FARS2: variants seen among roughly 807,000 people sequenced by gnomAD.
The protein encoded by FARS2 is phenylalanine--tRNA ligase, mitochondrial.
FARS2 carries 40 observed loss-of-function variants against 46.4 expected under a neutral mutation model. The observed-to-expected ratio is 0.86, with a 90% CI of 0.67 to 1.12. FARS2 has a LOEUF of 1.12. Ranked by LOEUF, FARS2 falls within the 50% of genes most tolerant of loss-of-function variation. The pLI, the probability that FARS2 is intolerant of heterozygous loss-of-function variation, is 0.00. For missense variants in FARS2, 513 were observed against 567.9 expected (o/e 0.90, Z 0.98); for synonymous variants, 234 against 214.9 (o/e 1.09, Z -0.78).
At chr6:5,261,392 G>A (rs1207003396), upstream of FARS2, 1 of 153,002 alleles carries the variant, frequency 6.5e-6, no homozygotes, top group Non-Finnish European at 1.5e-5. Context: ...GGTCGGCAGG[G>A]TGGGGTTTCT....
At chr6:5,543,215 A>G (rs890538195) in intron 4 of FARS2, among the ~76,000 whole-genome samples, 2 of 152,168 alleles carry the variant, frequency 1.3e-5, no homozygotes, top group Non-Finnish European at 2.9e-5. Context: ...GATTGCCTTG[A>G]TGCCAAGTGA....
chr6:5,437,502 T>C (rs1763591641), intron 4 of FARS2, among the ~76,000 whole-genome samples: 1 of 152,204 alleles, frequency 6.6e-6, no homozygotes, highest in Non-Finnish European at 1.5e-5. Context: ...CTGTCAATTT[T>C]TCTTTATGTT....
At chr6:5,652,680 G>A (rs1010797966) in intron 6 of FARS2, among the ~76,000 whole-genome samples, 2 of 152,230 alleles carry the variant, frequency 1.3e-5, no homozygotes, top group African/African-American at 2.4e-5. Context: ...TTTGATGAGC[G>A]CTTGTTACCG....
intron 2 of FARS2, 56 bp from the exon 3 acceptor site, chr6:5,404,486 C>G: frequency 8.0e-7 from 1 of 1,254,794 alleles, no homozygotes; most frequent in Non-Finnish European, 1.1e-6. Flanking sequence ...TTAAAGTTAT[C>G]TGATATAGAT....
intron 6 of FARS2, among the ~76,000 whole-genome samples, chr6:5,740,225 T>C (rs1761245751): frequency 6.6e-6 from 1 of 152,158 alleles, no homozygotes; most frequent in Non-Finnish European, 1.5e-5. Flanking sequence ...CTAGAGTGGG[T>C]TAGGGCCCTT....
intron 6 of FARS2, among the ~76,000 whole-genome samples, chr6:5,709,631 C>A (rs1259165470): frequency 1.3e-5 from 2 of 149,924 alleles, no homozygotes; most frequent in East Asian, 4.0e-4. Flanking sequence ...GACATTGAGA[C>A]CAAGAAGAAA....
At chr6:5,391,334 G>C (rs1309760365) in intron 2 of FARS2, among the ~76,000 whole-genome samples, 2 of 152,156 alleles carry the variant, frequency 1.3e-5, no homozygotes, top group Non-Finnish European at 2.9e-5. Context: ...TTGAGAAATG[G>C]GGAAATAATA....
In FARS2 at chr6:5,330,875, G is replaced by A. The variant is rs116444195; in HGVS notation, c.-21-37675G>A. Among the ~76,000 whole-genome samples, 835 of 152,174 alleles carry A rather than the reference G, an allele frequency of 5.5e-3. 10 individuals are homozygous for A. Among genetic ancestry groups the A allele is most frequent in the African/African-American group, 0.019 (797 of 41,514 alleles). On this transcript the variant is annotated intron_variant, in intron 1 of 6. Coordinates refer to ENST00000274680, the MANE Select transcript of FARS2 (RefSeq NM_006567.5). ...AATCCTAGCACTTTGGGAGGCCAAG[G>A]CAGGACGATTGCTTGAACTCAGGAG...
chr6:5,329,267 A>G (rs1015996455), intron 1 of FARS2, among the ~76,000 whole-genome samples: 3 of 152,210 alleles, frequency 2.0e-5, no homozygotes, highest in Non-Finnish European at 4.4e-5. Context: ...AAAACAAGCC[A>G]TGTGCTTTAT....
chr6:5,564,349 A>C (rs1772198918), intron 5 of FARS2, among the ~76,000 whole-genome samples: 1 of 152,176 alleles, frequency 6.6e-6, no homozygotes, highest in Non-Finnish European at 1.5e-5. Context: ...CACTTTCATT[A>C]CCCGGCAGAA....
intron 6 of FARS2, among the ~76,000 whole-genome samples, chr6:5,726,485 A>G (rs990153294): frequency 7.2e-5 from 11 of 152,268 alleles, no homozygotes; most frequent in African/African-American, 2.4e-4. Context: ...ATGGTTGCAC[A>G]TGAGCCAGGG....
At chr6:5,346,673 C>T (rs894054654) in intron 1 of FARS2, among the ~76,000 whole-genome samples, 2 of 152,088 alleles carry the variant, frequency 1.3e-5, no homozygotes, top group Admixed American at 6.6e-5. Flanking sequence ...GCCGCCACCT[C>T]GATTCTACGA....
intron 4 of FARS2, among the ~76,000 whole-genome samples, chr6:5,494,449 G>T (rs879635822): frequency 3.3e-5 from 5 of 152,150 alleles, no homozygotes; most frequent in Non-Finnish European, 7.3e-5. Context: ...TTGAAACTCT[G>T]CGTGTTTAGG....
chr6:5,646,405 G>C (rs934219206), intron 6 of FARS2, among the ~76,000 whole-genome samples: 2 of 152,150 alleles, frequency 1.3e-5, no homozygotes, highest in Admixed American at 6.5e-5. Context: ...TCCTACCTGT[G>C]CAGTGAGGGC....
intron 1 of FARS2, among the ~76,000 whole-genome samples, chr6:5,328,743 G>A (rs907252497): frequency 1.3e-5 from 2 of 151,982 alleles, no homozygotes; most frequent in Admixed American, 6.6e-5. Flanking sequence ...TCTCTTCCTA[G>A]CAAGAAGGCC....
intron 1 of FARS2, among the ~76,000 whole-genome samples, chr6:5,344,396 C>A (rs1466301518): frequency 6.6e-6 from 1 of 152,150 alleles, no homozygotes; most frequent in Non-Finnish European, 1.5e-5. Context: ...AGAGTCGTTG[C>A]TGCTGCTTCT....
chr6:5,479,130 C>T (rs898477093), intron 4 of FARS2, among the ~76,000 whole-genome samples: 22 of 152,324 alleles, frequency 1.4e-4, no homozygotes, highest in African/African-American at 5.3e-4. Context: ...AGCCTGTAGT[C>T]ACTTTTGCTT....
intron 4 of FARS2, among the ~76,000 whole-genome samples, chr6:5,537,604 AGTTGGAGATGTCCCGGGCTTCCTCTCG>A: frequency 1.3e-5 from 2 of 150,598 alleles, no homozygotes; most frequent in African/African-American, 4.9e-5. Flanking sequence ...CTTCCTCTCG[AGTTGGAGATGTCCCGGGCTTCCTCTCG>A]AGTTGGAGAT....
chr6:5,288,898 A>C (rs1767315023), intron 1 of FARS2, among the ~76,000 whole-genome samples: 1 of 152,140 alleles, frequency 6.6e-6, no homozygotes, highest in Admixed American at 6.5e-5. Flanking sequence ...AAATGTTGCA[A>C]ATTTTAGGGC....
Sources: gnomAD v4.1 joint callset for allele counts (sites outside exome capture counted in the v4.1 genomes callset) on GRCh38, gnomAD v4.1.1 for gene constraint, MANE v1.5 for transcripts, NCBI Gene and HGNC (gene_info 2026-07-23, HGNC 2026-07-21) for gene names.